The following CADM2 variants were observed in gnomAD, a reference collection of about 807,000 sequenced individuals.
CADM2 encodes cell adhesion molecule 2, also known as immunoglobulin superfamily member 4D.
In CADM2, 12 loss-of-function variants were observed where a neutral mutation model predicts 49.8. The observed-to-expected ratio is 0.24, with a 90% CI of 0.15 to 0.39. The LOEUF is 0.39. Among genes scored for constraint, CADM2 ranks in the 10% least tolerant of loss-of-function variants. The probability of loss-of-function intolerance (pLI) is 1.00; values close to 1 mark genes in which losing one functional copy is unlikely to be tolerated. For synonymous variants in CADM2, 214 were observed against 175.4 expected, an observed-to-expected ratio of 1.22 and a Z score of -1.74; for missense variants, 378 against 492.3, an observed-to-expected ratio of 0.77 and a Z score of 2.20.
intron 1 of CADM2, among the ~76,000 whole-genome samples, chr3:85,229,353 A>G (rs933589044): frequency 6.6e-6 from 1 of 152,152 alleles, no homozygotes; most frequent in African/African-American, 2.4e-5. Flanking sequence ...CTACTGGTAC[A>G]GTCTCTCACG....
intron 7 of CADM2, among the ~76,000 whole-genome samples, chr3:85,950,666 AG>A (rs1723320786): frequency 6.6e-6 from 1 of 151,162 alleles, no homozygotes; most frequent in Non-Finnish European, 1.5e-5. Flanking sequence ...CTTGGAGGCA[AG>A]AAGTGCCTTA....
chr3:85,326,525 A>AT, intron 1 of CADM2, among the ~76,000 whole-genome samples: 1 of 152,256 alleles, frequency 6.6e-6, no homozygotes, highest in Admixed American at 6.5e-5. Flanking sequence ...AAACGTATGT[A>AT]TTTTTTCAAA....
chr3:85,909,121 C>A (rs1157755406), intron 5 of CADM2, among the ~76,000 whole-genome samples: 1 of 152,202 alleles, frequency 6.6e-6, no homozygotes, highest in East Asian at 1.9e-4. Flanking sequence ...TGACCTCACA[C>A]CGCTTTTGAT....
chr3:85,859,370 A>T (rs149103050), intron 3 of CADM2, among the ~76,000 whole-genome samples: 1 of 151,490 alleles, frequency 6.6e-6, no homozygotes, highest in African/African-American at 2.4e-5. Flanking sequence ...AGCTAGGACT[A>T]CAGGCATGCG....
chr3:85,816,838 C>A (rs992496200), intron 3 of CADM2, among the ~76,000 whole-genome samples: 1 of 152,096 alleles, frequency 6.6e-6, no homozygotes, highest in Non-Finnish European at 1.5e-5. Flanking sequence ...ATATTAGCTA[C>A]TTTTCAATGT....
intron 2 of CADM2, among the ~76,000 whole-genome samples, chr3:85,739,940 A>G (rs184282376): frequency 2.6e-5 from 4 of 152,260 alleles, no homozygotes; most frequent in Admixed American, 2.0e-4. Context: ...GTAATATGCA[A>G]AGTGCAAATG....
intron 1 of CADM2, among the ~76,000 whole-genome samples, chr3:85,135,358 A>C (rs532758107): frequency 1.3e-5 from 2 of 152,182 alleles, no homozygotes; most frequent in East Asian, 1.9e-4. Flanking sequence ...TTATTGTAGT[A>C]ATATATAATT....
At chr3:86,014,652 T>C in intron 8 of CADM2, 13 of 1,572,822 alleles carry the variant, frequency 8.3e-6, no homozygotes, top group Non-Finnish European at 1.1e-5. Flanking sequence ...TAAATGCTTA[T>C]CTCTGGTACC....
intron 1 of CADM2, among the ~76,000 whole-genome samples, chr3:85,306,143 G>A (rs963472439): frequency 4.0e-5 from 6 of 151,652 alleles, no homozygotes; most frequent in African/African-American, 1.2e-4. Flanking sequence ...ATCTAAGGAT[G>A]CATCTAAGGC....
chr3:86,046,679 C>T (rs1376750842), intron 8 of CADM2, among the ~76,000 whole-genome samples: 1 of 152,072 alleles, frequency 6.6e-6, no homozygotes, highest in African/African-American at 2.4e-5. Context: ...TCCCTGGGGA[C>T]ATTATCAGCA....
intron 1 of CADM2, among the ~76,000 whole-genome samples, chr3:85,516,462 G>A (rs1173627199): frequency 6.6e-6 from 1 of 152,028 alleles, no homozygotes; most frequent in Non-Finnish European, 1.5e-5. Flanking sequence ...CAGGTAGGTA[G>A]GTAGATAGAA....
intron 1 of CADM2, among the ~76,000 whole-genome samples, chr3:85,484,615 A>G (rs2039343206): frequency 6.6e-6 from 1 of 151,926 alleles, no homozygotes; most frequent in African/African-American, 2.4e-5. Context: ...TTATCCATTC[A>G]AGTCAAATGA....
chr3:84,997,205 A>G (rs1176701311), intron 1 of CADM2, among the ~76,000 whole-genome samples: 1 of 152,124 alleles, frequency 6.6e-6, no homozygotes, highest in Non-Finnish European at 1.5e-5. Flanking sequence ...GGATTTCCAC[A>G]TCTTGTACTT....
chr3:85,563,473 C>T (rs2062161551), intron 1 of CADM2, among the ~76,000 whole-genome samples: 1 of 151,042 alleles, frequency 6.6e-6, no homozygotes, highest in Non-Finnish European at 1.5e-5. Flanking sequence ...AATATGTGAT[C>T]CATTATACTT....
intron 1 of CADM2, among the ~76,000 whole-genome samples, chr3:85,051,939 C>T (rs1314314111): frequency 6.6e-6 from 1 of 151,924 alleles, no homozygotes; most frequent in African/African-American, 2.4e-5. Context: ...ATTTGCATTC[C>T]AGAGCCTAGA....
At chr3:85,660,214 C>G (rs1300101083) in intron 1 of CADM2, among the ~76,000 whole-genome samples, 1 of 152,018 alleles carries the variant, frequency 6.6e-6, no homozygotes. Context: ...TATTTGAGTT[C>G]GTTGAGGTCT....
chr3:85,356,616 C>A (rs1285684916), intron 1 of CADM2, among the ~76,000 whole-genome samples: 4 of 152,094 alleles, frequency 2.6e-5, no homozygotes, highest in African/African-American at 7.2e-5. Context: ...GAAAGAGAAA[C>A]ACGTACATAA....
intron 1 of CADM2, among the ~76,000 whole-genome samples, chr3:85,354,903 G>A (rs749370166): frequency 3.3e-5 from 5 of 152,052 alleles, no homozygotes; most frequent in Non-Finnish European, 4.4e-5. Context: ...GAGGAATCAC[G>A]AATATGGGAG....
At chr3:85,407,605 A>G (rs1314205637) in intron 1 of CADM2, among the ~76,000 whole-genome samples, 1 of 152,146 alleles carries the variant, frequency 6.6e-6, no homozygotes, top group African/African-American at 2.4e-5. Flanking sequence ...AGGAAAGTTA[A>G]TGGGTCATGA....
Sources: gnomAD v4.1 joint callset for allele counts (sites outside exome capture counted in the v4.1 genomes callset) on GRCh38, gnomAD v4.1.1 for gene constraint, MANE v1.5 for transcripts, NCBI Gene and HGNC (gene_info 2026-07-23, HGNC 2026-07-21) for gene names.